SDHAF4: variants seen among roughly 807,000 people sequenced by gnomAD.
The protein encoded by SDHAF4 is succinate dehydrogenase assembly factor 4, mitochondrial.
In SDHAF4, 14 loss-of-function variants were observed where a neutral mutation model predicts 14.3. The observed-to-expected ratio is 0.98, with a 90% CI of 0.65 to 1.53. The LOEUF (loss-of-function observed/expected upper bound fraction) is 1.53, where lower values mean the gene tolerates loss of function less well. Ranked by LOEUF, SDHAF4 falls within the 40% of genes most tolerant of loss-of-function variation. SDHAF4 has a pLI of 0.00. For missense variants in SDHAF4, 141 were observed against 129.3 expected (o/e 1.09, Z -0.44); for synonymous variants, 63 against 47.3 (o/e 1.33, Z -1.36).
At chr6:70,580,880 GT>G (rs1339243072) in intron 2 of SDHAF4, among the ~76,000 whole-genome samples, 1 of 152,100 alleles carries the variant, frequency 6.6e-6, no homozygotes, top group Non-Finnish European at 1.5e-5. Flanking sequence ...TGATGAAAAT[GT>G]TTTAGGTATA....
At chr6:70,571,602 C>T (rs554936399) in intron 1 of SDHAF4, among the ~76,000 whole-genome samples, 6 of 152,246 alleles carry the variant, frequency 3.9e-5, no homozygotes, top group East Asian at 3.9e-4. Flanking sequence ...TGTGAGCCAC[C>T]GCGCCCAGCC....
intron 1 of SDHAF4, among the ~76,000 whole-genome samples, chr6:70,579,109 T>C (rs1156938447): frequency 6.6e-6 from 1 of 152,252 alleles, no homozygotes; most frequent in Non-Finnish European, 1.5e-5. Flanking sequence ...TAAGTTACTC[T>C]TAATATTTGA....
chr6:70,578,190 A>G (rs1802279510), intron 1 of SDHAF4, among the ~76,000 whole-genome samples: 2 of 152,228 alleles, frequency 1.3e-5, no homozygotes, highest in African/African-American at 4.8e-5. Context: ...CATTCCCACT[A>G]GCAGTGTATA....
At chr6:70,589,856 G>A (rs1265719316), downstream of SDHAF4, among the ~76,000 whole-genome samples, 1 of 152,110 alleles carries the variant, frequency 6.6e-6, no homozygotes, top group Non-Finnish European at 1.5e-5. Flanking sequence ...AACACTGGTG[G>A]GACCTTAATT....
chr6:70,568,331 C>T (rs1044685099), intron 1 of SDHAF4, among the ~76,000 whole-genome samples: 3 of 152,094 alleles, frequency 2.0e-5, no homozygotes, highest in Non-Finnish European at 4.4e-5. Context: ...AGCTATGTAG[C>T]AGTCATGTAA....
At chr6:70,595,791 A>T in the SDHAF4 span, among the ~76,000 whole-genome samples, 1 of 150,204 alleles carries the variant, frequency 6.7e-6, no homozygotes, top group Non-Finnish European at 1.5e-5. Flanking sequence ...AGCTGAGATC[A>T]CGCCACTGCA....
chr6:70,572,354 T>C (rs1802194464), intron 1 of SDHAF4, among the ~76,000 whole-genome samples: 1 of 152,202 alleles, frequency 6.6e-6, no homozygotes, highest in African/African-American at 2.4e-5. Flanking sequence ...ATGCAAAGGA[T>C]ATTTATTGTA....
At chr6:70,585,220 T>A (rs1314332754) in intron 2 of SDHAF4, among the ~76,000 whole-genome samples, 1 of 152,230 alleles carries the variant, frequency 6.6e-6, no homozygotes, top group Non-Finnish European at 1.5e-5. Context: ...GGTAACTCTT[T>A]AAGAGATGGA....
intron 1 of SDHAF4, among the ~76,000 whole-genome samples, chr6:70,567,262 G>A (rs1268620334): frequency 6.6e-6 from 1 of 152,202 alleles, no homozygotes; most frequent in Non-Finnish European, 1.5e-5. Flanking sequence ...TACCGAGCAC[G>A]CGGTGGCCCA....
chr6:70,573,455 A>G (rs552141683), intron 1 of SDHAF4, among the ~76,000 whole-genome samples: 1 of 150,638 alleles, frequency 6.6e-6, no homozygotes, highest in African/African-American at 2.4e-5. Flanking sequence ...GTAGAGACGC[A>G]GTTTCACCAG....
Position 70,579,447 on chromosome 6 carries a change from C to T in SDHAF4, c.98C>T (p.Thr33Ile), listed in dbSNP as rs754904288. Residue 33 changes from threonine to isoleucine, a missense_variant, in exon 2 of 3, where the codon ACA becomes ATA. Transcript: ENST00000370474. Reference sequence around the variant, plus strand: ...CTTCTGTGTCATTCTCTGAGGAAAACAAGTTCTTCTCAAGGAGGAAAGTCT... The same window carrying T: ...CTTCTGTGTCATTCTCTGAGGAAAATAAGTTCTTCTCAAGGAGGAAAGTCT... ...SPLLCHSLRKTSSSQGGKSEL... is the reference protein window; with the variant it reads ...SPLLCHSLRKISSSQGGKSEL... 3.7e-6 allele frequency: 6 copies of T among 1,607,116 alleles called. No homozygotes were observed. Among genetic ancestry groups the T allele is most frequent in the Non-Finnish European group, 4.3e-6 (5 of 1,176,416 alleles).
At position 70,579,528 on chromosome 6, in the gene SDHAF4, C is replaced by T. The variant is rs761985341; in HGVS notation, c.179C>T (p.Ala60Val). 3 of 1,609,950 alleles carry T rather than the reference C, an allele frequency of 1.9e-6. No homozygotes were observed. The highest frequency in any genetic ancestry group is 8.5e-7 in the Non-Finnish European group (1 of 1,177,830). ...KPKLPEGRFD[A>V]PEDSHLEKEP... ...AAGTTACCAGAAGGTCGTTTTGATG[C>T]ACCAGAGGATTCCCATTTAGAGAAA... The change falls in exon 2 of 3, where the codon GCA becomes GTA. Residue 60 changes from alanine to valine, a missense_variant. Coordinates refer to ENST00000370474, the MANE Select transcript of SDHAF4 (RefSeq NM_145267.3).
chr6:70,587,227 C>T (rs889569514), intron 2 of SDHAF4, among the ~76,000 whole-genome samples: 10 of 146,552 alleles, frequency 6.8e-5, no homozygotes, highest in African/African-American at 1.0e-4. Context: ...CAGTGGCTCA[C>T]GCCTGTAATC....
At chr6:70,580,004 A>C (rs1386786179) in intron 2 of SDHAF4, among the ~76,000 whole-genome samples, 1 of 152,210 alleles carries the variant, frequency 6.6e-6, no homozygotes, top group Non-Finnish European at 1.5e-5. Flanking sequence ...AGTCAAAAAT[A>C]GCAAAGCACT....
At chr6:70,585,393 C>T (rs1441892048) in intron 2 of SDHAF4, among the ~76,000 whole-genome samples, 3 of 152,150 alleles carry the variant, frequency 2.0e-5, no homozygotes, top group Admixed American at 1.3e-4. Flanking sequence ...AGAAGAGATA[C>T]CAGAGAGCTT....
In SDHAF4 at chr6:70,577,078, C is replaced by T. The variant is rs145835945; in HGVS notation, c.65-2336C>T. Among the ~76,000 whole-genome samples the T allele has an allele frequency of 5.3e-3, 808 of 152,306 alleles. 5 individuals are homozygous for T. Among genetic ancestry groups the T allele is most frequent in the South Asian group, 0.035 (170 of 4,830 alleles). On this transcript the variant is annotated intron_variant, in intron 1 of 2. Coordinates refer to ENST00000370474, the MANE Select transcript of SDHAF4 (RefSeq NM_145267.3). ...CTGCCCACATTCCTTGGCTTGCCCC[C>T]TTCCTCCATCTTCAAAGCCAGCAAC...
Position 70,566,935 on chromosome 6 carries a change from G to C in SDHAF4, c.-6G>C, listed in dbSNP as rs1363129872. 15 of 1,577,698 alleles carry C rather than the reference G, an allele frequency of 9.5e-6. No homozygotes were observed. Among genetic ancestry groups the C allele is most frequent in the Non-Finnish European group, 1.3e-5 (15 of 1,161,720 alleles). On this transcript the variant is annotated 5_prime_UTR_variant, in exon 1 of 3. Coordinates refer to ENST00000370474, the MANE Select transcript of SDHAF4 (RefSeq NM_145267.3). ...CGCCTGCGCGGAGGCTCGGGGAGTC[G>C]GCGCCATGACCCCATCGAGGCTTCC...
chr6:70,568,462 T>C (rs745324504), intron 1 of SDHAF4, among the ~76,000 whole-genome samples: 13 of 152,328 alleles, frequency 8.5e-5, no homozygotes, highest in South Asian at 2.1e-4. Context: ...TTTTAATCTT[T>C]ATAGAAATGT....
In SDHAF4 at chr6:70,586,942, G is replaced by A. The variant is rs565379152; in HGVS notation, c.218-1673G>A. Among the ~76,000 whole-genome samples the A allele has an allele frequency of 3.6e-4, 55 of 152,178 alleles. 1 individual carries two copies. In the South Asian group the frequency reaches 0.01, roughly 29 times the overall value. ...CCAGCACTTTGGGAGGCTGAGGCGGGTGGATCACCTGAGGTCAGGAGTTCA... is the reference window on the plus strand; with the variant it reads ...CCAGCACTTTGGGAGGCTGAGGCGGATGGATCACCTGAGGTCAGGAGTTCA... On this transcript the variant is annotated intron_variant, in intron 2 of 2. Transcript: ENST00000370474.
Sources: gnomAD v4.1 joint callset for allele counts (sites outside exome capture counted in the v4.1 genomes callset) on GRCh38, gnomAD v4.1.1 for gene constraint, MANE v1.5 for transcripts, NCBI Gene and HGNC (gene_info 2026-07-23, HGNC 2026-07-21) for gene names.